PPP2R2A: variants seen among roughly 807,000 people sequenced by gnomAD.
PPP2R2A encodes serine/threonine-protein phosphatase 2A 55 kDa regulatory subunit B alpha isoform.
Under a neutral mutation model 53.2 loss-of-function variants are expected in PPP2R2A, and 9 were observed. The ratio of observed to expected loss-of-function variants is 0.17; its 90% CI spans 0.10 to 0.30. The LOEUF is 0.30. PPP2R2A is among the 10% of genes least tolerant of loss of function. PPP2R2A has a pLI of 1.00. For synonymous variants in PPP2R2A, 169 were observed against 174.2 expected, an observed-to-expected ratio of 0.97 and a Z score of 0.23; for missense variants, 235 against 534.6, an observed-to-expected ratio of 0.44 and a Z score of 5.53.
intron 2 of PPP2R2A, among the ~76,000 whole-genome samples, chr8:26,295,070 T>C (rs1363342101): frequency 6.6e-6 from 1 of 152,240 alleles, no homozygotes; most frequent in Non-Finnish European, 1.5e-5. Context: ...TGTTGAATAG[T>C]AAACACTCCA....
intron 2 of PPP2R2A, among the ~76,000 whole-genome samples, chr8:26,313,273 G>T (rs1235975597): frequency 1.3e-5 from 2 of 152,068 alleles, no homozygotes; most frequent in African/African-American, 2.4e-5. Flanking sequence ...GACCTCAGGT[G>T]GTTTGCCTGC....
At chr8:26,293,826 C>T in intron 2 of PPP2R2A, 86 bp downstream of exon 2, 1 of 1,198,760 alleles carries the variant, frequency 8.3e-7, no homozygotes, top group Non-Finnish European at 1.2e-6. Context: ...GCCGAGACTG[C>T]TATAAATTCA....
intron 4 of PPP2R2A, among the ~76,000 whole-genome samples, chr8:26,356,726 T>G (rs912175209): frequency 6.6e-6 from 1 of 152,186 alleles, no homozygotes; most frequent in Admixed American, 6.5e-5. Flanking sequence ...TTATGTCAGT[T>G]TATTTCTTAT....
intron 2 of PPP2R2A, among the ~76,000 whole-genome samples, chr8:26,314,887 T>TCC (rs1802466504): frequency 4.0e-5 from 1 of 25,026 alleles, no homozygotes; most frequent in Non-Finnish European, 7.2e-5. Flanking sequence ...TTTTTTTCCC[T>TCC]TCCCCCCCCC....
intron 3 of PPP2R2A, among the ~76,000 whole-genome samples, chr8:26,350,363 T>G (rs1001174011): frequency 1.3e-5 from 2 of 152,108 alleles, no homozygotes; most frequent in African/African-American, 4.8e-5. Context: ...ACGTCCGGCC[T>G]TGTACTTACT....
At chr8:26,367,087 TCAA>T (rs1213706264) in intron 9 of PPP2R2A, among the ~76,000 whole-genome samples, 9 of 152,222 alleles carry the variant, frequency 5.9e-5, no homozygotes, top group Admixed American at 6.5e-5. Context: ...CAGAGATACT[TCAA>T]CAACAGTTTT....
intron 2 of PPP2R2A, among the ~76,000 whole-genome samples, chr8:26,313,679 A>G (rs1164941303): frequency 6.6e-6 from 1 of 152,206 alleles, no homozygotes; most frequent in Non-Finnish European, 1.5e-5. Context: ...AGGATGCTAT[A>G]AAAGGGAGGC....
chr8:26,357,439 C>G (rs776759684), intron 4 of PPP2R2A, among the ~76,000 whole-genome samples: 3 of 151,950 alleles, frequency 2.0e-5, no homozygotes, highest in Non-Finnish European at 4.4e-5. Context: ...CTGGGTTTCC[C>G]AGATCATTTT....
chr8:26,329,243 C>G (rs889097076), intron 2 of PPP2R2A, among the ~76,000 whole-genome samples: 6 of 152,220 alleles, frequency 3.9e-5, no homozygotes, highest in Non-Finnish European at 8.8e-5. Context: ...CTCTGTGACT[C>G]TTAATTGCAT....
Position 26,360,349 on chromosome 8 carries a change from C to A in PPP2R2A, c.459+68C>A. 1.1e-6 allele frequency: 1 copy of A among 884,648 alleles called. No individual in the cohort carries two copies. The highest frequency in any genetic ancestry group is 1.8e-6 in the Non-Finnish European group (1 of 564,042). 54.8% of individuals were successfully genotyped at this position (884,648 alleles called of 1,614,324 possible). ...CATATTATATAGCCCAAATCCTGAGCAGAGCTTGAATAGGAATAATTACAG... is the reference window on the plus strand; with the variant it reads ...CATATTATATAGCCCAAATCCTGAGAAGAGCTTGAATAGGAATAATTACAG... On this transcript the variant is annotated intron_variant, in intron 5 of 9. Coordinates refer to ENST00000380737, the MANE Select transcript of PPP2R2A (RefSeq NM_002717.4). This position sits in a 1 kb window ranked among gnomAD's most constrained non-coding sequence, Gnocchi z 4.5.
intron 2 of PPP2R2A, among the ~76,000 whole-genome samples, chr8:26,325,277 T>C (rs1339851711): frequency 6.6e-6 from 1 of 152,090 alleles, no homozygotes; most frequent in Non-Finnish European, 1.5e-5. Flanking sequence ...TTTGCTGTGC[T>C]ATTCTCGTGA....
At chr8:26,297,252 G>A (rs557154701) in intron 2 of PPP2R2A, among the ~76,000 whole-genome samples, 10 of 152,240 alleles carry the variant, frequency 6.6e-5, no homozygotes, top group African/African-American at 2.4e-4. Flanking sequence ...TGGGACTACA[G>A]GTGCACCCCG....
At chr8:26,348,843 CCT>C (rs1491396711) in intron 3 of PPP2R2A, among the ~76,000 whole-genome samples, 9 of 152,144 alleles carry the variant, frequency 5.9e-5, no homozygotes, top group East Asian at 1.9e-4. Flanking sequence ...AAAATGAAGA[CCT>C]GTGTGTGTGT....
chr8:26,322,514 T>C (rs1412184443), intron 2 of PPP2R2A, among the ~76,000 whole-genome samples: 2 of 152,010 alleles, frequency 1.3e-5, no homozygotes, highest in Non-Finnish European at 2.9e-5. Context: ...GATGAAGTTA[T>C]CCTTTACATA....
chr8:26,364,688 CAAAAT>C (rs1294380184), intron 8 of PPP2R2A, among the ~76,000 whole-genome samples: 1 of 152,120 alleles, frequency 6.6e-6, no homozygotes, highest in Non-Finnish European at 1.5e-5. Context: ...CGTGAAATTT[CAAAAT>C]AAATACTGCA....
chr8:26,372,318 A>G lies in PPP2R2A; in HGVS notation c.*1905A>G, dbSNP rs1338643364. The G allele has an allele frequency of 1.3e-5, 2 of 152,180 alleles. No homozygotes were observed. Among genetic ancestry groups the G allele is most frequent in the African/African-American group, 4.8e-5 (2 of 41,448 alleles). The allele number at this position is 152,180 out of a possible 1,614,324, so 9.4% of individuals were successfully genotyped here. Reference sequence around the variant, plus strand: ...GGGATATTCCCCTGCCACAAGTGTCAAACAGTGATATTCTTCCTGTGTTGT... The same window carrying G: ...GGGATATTCCCCTGCCACAAGTGTCGAACAGTGATATTCTTCCTGTGTTGT... On this transcript the variant is annotated 3_prime_UTR_variant, in exon 10 of 10. Transcript: ENST00000380737.
intron 2 of PPP2R2A, among the ~76,000 whole-genome samples, chr8:26,299,698 A>G (rs1171178041): frequency 1.3e-5 from 2 of 151,830 alleles, no homozygotes; most frequent in African/African-American, 4.8e-5. Context: ...ACAATTTAAA[A>G]TCATTTCTCT....
At chr8:26,310,567 T>C (rs1216963050) in intron 2 of PPP2R2A, among the ~76,000 whole-genome samples, 1 of 152,068 alleles carries the variant, frequency 6.6e-6, no homozygotes, top group Admixed American at 6.6e-5. Context: ...ATGTTTGCTA[T>C]TGTAAAGATC....
At chr8:26,356,530 G>C (rs971275778) in intron 4 of PPP2R2A, among the ~76,000 whole-genome samples, 3 of 152,200 alleles carry the variant, frequency 2.0e-5, no homozygotes, top group Non-Finnish European at 2.9e-5. Context: ...TCATATGCTA[G>C]CTTCTAGTCT....
Sources: allele counts gnomAD v4.1 joint callset (sites outside exome capture counted in the v4.1 genomes callset), GRCh38; gene constraint gnomAD v4.1.1; non-coding constraint Gnocchi (gnomAD v3.1); transcripts MANE v1.5; gene names NCBI Gene and HGNC (gene_info 2026-07-23, HGNC 2026-07-21).